PHF24: variants seen among roughly 807,000 people sequenced by gnomAD.
PHF24 encodes Galpha inhibitory interacting protein.
In PHF24, 25 loss-of-function variants were observed where a neutral mutation model predicts 42.6. The ratio of observed to expected loss-of-function variants is 0.59; its 90% CI spans 0.43 to 0.82. The LOEUF (loss-of-function observed/expected upper bound fraction) is 0.82, where lower values mean the gene tolerates loss of function less well. Among genes scored for constraint, PHF24 ranks in the 40% least tolerant of loss-of-function variants. The pLI is 0.00. For missense variants in PHF24, 470 were observed against 538.1 expected (o/e 0.87, Z 1.25); for synonymous variants, 185 against 204.8 (o/e 0.90, Z 0.83).
At chr9:34,723,548 T>C in the PHF24 span, 2 of 1,551,834 alleles carry the variant, frequency 1.3e-6, no homozygotes, top group East Asian at 4.9e-5. Flanking sequence ...GGAGTCCTCA[T>C]GCCCTTTGCC....
the PHF24 span, among the ~76,000 whole-genome samples, chr9:34,729,107 C>G: frequency 1.3e-3 from 204 of 152,192 alleles, 1 homozygote; most frequent in African/African-American, 4.5e-3. Flanking sequence ...TTCAATCAGA[C>G]TATGTTGCGG....
the PHF24 span, chr9:34,833,603 A>G: frequency 1.9e-6 from 3 of 1,548,086 alleles, no homozygotes; most frequent in Non-Finnish European, 2.6e-6. Flanking sequence ...TTGTATCTCT[A>G]GGACCTTTTT....
the PHF24 span, among the ~76,000 whole-genome samples, chr9:34,692,785 CTTT>C: frequency 1.7e-5 from 2 of 120,048 alleles, no homozygotes; most frequent in African/African-American, 3.0e-5. Context: ...TTCTTTTGTC[CTTT>C]TTTTTTTTTT....
At chr9:34,755,772 A>G in the PHF24 span, among the ~76,000 whole-genome samples, 529 of 152,218 alleles carry the variant, frequency 3.5e-3, 3 homozygotes, top group African/African-American at 0.012. Flanking sequence ...CAGCCACCCA[A>G]TAGCAGCTGG....
the PHF24 span, among the ~76,000 whole-genome samples, chr9:34,928,228 A>AC: frequency 6.6e-6 from 1 of 151,846 alleles, no homozygotes; most frequent in Non-Finnish European, 1.5e-5. Flanking sequence ...AAAAAAAAAA[A>AC]AAAAAAATCT....
the PHF24 span, among the ~76,000 whole-genome samples, chr9:34,707,348 C>T: frequency 1.2e-4 from 18 of 152,154 alleles, no homozygotes; most frequent in Non-Finnish European, 1.9e-4. Flanking sequence ...GGAGGCCTCC[C>T]TTGGGCCTTG....
chr9:34,920,613 T>A, the PHF24 span, among the ~76,000 whole-genome samples: 1 of 152,340 alleles, frequency 6.6e-6, no homozygotes, highest in Non-Finnish European at 1.5e-5. Flanking sequence ...TTTATCAATA[T>A]TGATTTTTCC....
the PHF24 span, among the ~76,000 whole-genome samples, chr9:34,851,955 C>T: frequency 3.3e-5 from 5 of 152,096 alleles, no homozygotes; most frequent in African/African-American, 9.7e-5. Flanking sequence ...TTTACAAGTG[C>T]CTTATACAGT....
At chr9:34,886,941 C>T in the PHF24 span, among the ~76,000 whole-genome samples, 10 of 152,120 alleles carry the variant, frequency 6.6e-5, no homozygotes, top group Admixed American at 5.2e-4. Flanking sequence ...AAGCAACATA[C>T]GTTATCTAAG....
At chr9:34,976,782 A>G in intron 5 of PHF24, 42 bp downstream of exon 5, 1 of 1,575,544 alleles carries the variant, frequency 6.3e-7, no homozygotes, top group South Asian at 1.1e-5. Flanking sequence ...ATACTGGGTG[A>G]CAAGGGCCTG....
At chr9:34,949,870 G>A in the PHF24 span, among the ~76,000 whole-genome samples, 1 of 151,838 alleles carries the variant, frequency 6.6e-6, no homozygotes, top group African/African-American at 2.4e-5. Context: ...AAAGGGGTGG[G>A]AGAGCATTAG....
At chr9:34,666,684 A>G in the PHF24 span, among the ~76,000 whole-genome samples, 1 of 151,448 alleles carries the variant, frequency 6.6e-6, no homozygotes, top group South Asian at 2.1e-4. Flanking sequence ...ACGGTGGCTC[A>G]CGCCTTTAAT....
chr9:34,770,424 C>G, the PHF24 span, among the ~76,000 whole-genome samples: 1 of 152,062 alleles, frequency 6.6e-6, no homozygotes, highest in African/African-American at 2.4e-5. Context: ...GGTGAGAGTG[C>G]AAAATAGTAC....
At chr9:34,936,920 C>T in the PHF24 span, among the ~76,000 whole-genome samples, 2 of 151,732 alleles carry the variant, frequency 1.3e-5, no homozygotes, top group Non-Finnish European at 2.9e-5. Flanking sequence ...CGGCAGCCAC[C>T]CCGTCTGGGA....
At chr9:34,738,720 G>A in the PHF24 span, among the ~76,000 whole-genome samples, 1 of 152,174 alleles carries the variant, frequency 6.6e-6, no homozygotes, top group Non-Finnish European at 1.5e-5. Context: ...TTTCTGGGAG[G>A]ACTTCTGGGA....
the PHF24 span, chr9:34,889,779 T>C: frequency 2.5e-6 from 1 of 397,086 alleles, no homozygotes; most frequent in Non-Finnish European, 4.4e-6. Flanking sequence ...CCCTGAAAAC[T>C]TTGGATCTGA....
At chr9:34,694,612 C>G in the PHF24 span, among the ~76,000 whole-genome samples, 1 of 152,128 alleles carries the variant, frequency 6.6e-6, no homozygotes, top group Non-Finnish European at 1.5e-5. Flanking sequence ...GGATTACAGG[C>G]GTGAGCCACC....
chr9:34,917,768 G>A, the PHF24 span: 1 of 974,500 alleles, frequency 1.0e-6, no homozygotes, highest in Non-Finnish European at 1.7e-6. Context: ...TGCCAATCAT[G>A]CCTCCCCAGT....
chr9:34,740,480 T>C, the PHF24 span, among the ~76,000 whole-genome samples: 1 of 152,168 alleles, frequency 6.6e-6, no homozygotes, highest in Non-Finnish European at 1.5e-5. Flanking sequence ...CTGGCCTGGG[T>C]GCTAAGCCCC....
Sources: allele counts gnomAD v4.1 joint callset (sites outside exome capture counted in the v4.1 genomes callset), GRCh38; gene constraint gnomAD v4.1.1; transcripts MANE v1.5; gene names NCBI Gene and HGNC (gene_info 2026-07-23, HGNC 2026-07-21).